The following GPR107 variants were observed in gnomAD, a reference collection of about 807,000 sequenced individuals.
The protein encoded by GPR107 is G protein-coupled receptor 107.
In GPR107, 31 loss-of-function variants were observed where a neutral mutation model predicts 75.5. That is an observed-to-expected ratio of 0.41 (90% CI 0.31 to 0.55). The LOEUF (loss-of-function observed/expected upper bound fraction) is 0.55, where lower values mean the gene tolerates loss of function less well. GPR107 is among the 20% of genes least tolerant of loss of function. The pLI is 0.26. For synonymous variants in GPR107, 267 were observed against 251.3 expected, an observed-to-expected ratio of 1.06 and a Z score of -0.59; for missense variants, 572 against 665.7, an observed-to-expected ratio of 0.86 and a Z score of 1.55.
At chr9:130,074,070 T>G (rs534747976) in intron 1 of GPR107, among the ~76,000 whole-genome samples, 30 of 152,346 alleles carry the variant, frequency 2.0e-4, no homozygotes, top group Middle Eastern at 3.4e-3. Flanking sequence ...TCCTGGGTTT[T>G]TAACAGATGT....
intron 1 of GPR107, among the ~76,000 whole-genome samples, chr9:130,074,951 A>G (rs1220963933): frequency 6.7e-6 from 1 of 149,706 alleles, no homozygotes. Context: ...TTGTACTATC[A>G]GGAAGGATGT....
chr9:130,065,788 A>AAAG (rs1564659117), intron 1 of GPR107, among the ~76,000 whole-genome samples: 1 of 128,196 alleles, frequency 7.8e-6, no homozygotes, highest in Non-Finnish European at 1.7e-5. Flanking sequence ...AAAAAAAAAA[A>AAAG]AGTGATGTTT....
intron 1 of GPR107, among the ~76,000 whole-genome samples, chr9:130,067,509 C>T (rs1452294066): frequency 6.6e-6 from 1 of 152,038 alleles, no homozygotes; most frequent in East Asian, 1.9e-4. Context: ...TGCCTAAAGC[C>T]CTCAGTGACT....
In GPR107 at chr9:130,103,899, C is replaced by A. The variant is rs1831097946; in HGVS notation, c.1132-521C>A. On this transcript the variant is annotated intron_variant, in intron 12 of 17. Coordinates refer to ENST00000347136, the MANE Select transcript of GPR107 (RefSeq NM_020960.5). This position sits in a 1 kb window ranked among gnomAD's most constrained non-coding sequence, Gnocchi z 4.3. The stretch of plus-strand genomic sequence containing the variant: ...TCTCAGTTTCTGTGGGTTAGGAATT[C>A]AAGAGTGGCTAGCTGGGTAGGTCTG... 6.6e-6 allele frequency among the ~76,000 whole-genome samples: 1 copy of A among 152,158 alleles called. No individual in the cohort carries two copies. Among genetic ancestry groups the A allele is most frequent in the African/African-American group, 2.4e-5 (1 of 41,438 alleles).
intron 17 of GPR107, among the ~76,000 whole-genome samples, chr9:130,131,846 G>C (rs1348126969): frequency 3.9e-5 from 6 of 152,070 alleles, no homozygotes; most frequent in African/African-American, 1.4e-4. Context: ...TGTGGTGGCT[G>C]ACCTCTTCAC....
intron 10 of GPR107, among the ~76,000 whole-genome samples, chr9:130,100,372 G>A (rs1431191849): frequency 6.6e-6 from 1 of 152,206 alleles, no homozygotes; most frequent in Non-Finnish European, 1.5e-5. Context: ...CTTGCCCAAG[G>A]GGGTAAGATC....
At chr9:130,128,891 A>C in intron 17 of GPR107, 130 bp downstream of exon 17, 1 of 814,728 alleles carries the variant, frequency 1.2e-6, no homozygotes, top group Non-Finnish European at 2.0e-6. Flanking sequence ...TTTTAGCAGA[A>C]GGAAGCGGAC....
chr9:130,056,465 A>G (rs1057305130), intron 1 of GPR107, among the ~76,000 whole-genome samples: 2 of 151,736 alleles, frequency 1.3e-5, no homozygotes, highest in African/African-American at 4.8e-5. Context: ...AAATAAATAA[A>G]TAAAATAAAA....
chr9:130,084,987 A>G (rs576781016), intron 6 of GPR107, among the ~76,000 whole-genome samples: 24 of 152,250 alleles, frequency 1.6e-4, no homozygotes, highest in African/African-American at 5.5e-4. Flanking sequence ...ATGATGACAA[A>G]TGCTGAGCAC....
chr9:130,109,550 G>C (rs1251497653), intron 14 of GPR107, among the ~76,000 whole-genome samples: 1 of 147,430 alleles, frequency 6.8e-6, no homozygotes, highest in Non-Finnish European at 1.5e-5. Flanking sequence ...GTAACTTGGT[G>C]AACAGGTAGT....
At chr9:130,118,135 C>T (rs1243175823) in intron 14 of GPR107, among the ~76,000 whole-genome samples, 2 of 152,186 alleles carry the variant, frequency 1.3e-5, no homozygotes, top group African/African-American at 2.4e-5. Context: ...TGGTCATTTA[C>T]TAAACTTCTC....
intron 9 of GPR107, among the ~76,000 whole-genome samples, chr9:130,093,815 CT>C (rs1029878099): frequency 2.5e-4 from 37 of 146,358 alleles, no homozygotes; most frequent in East Asian, 2.0e-3. Flanking sequence ...ACCCCCATTT[CT>C]TTTTTTTTTT....
intron 14 of GPR107, among the ~76,000 whole-genome samples, chr9:130,120,653 A>G (rs1170572168): frequency 6.6e-6 from 1 of 152,182 alleles, no homozygotes. Flanking sequence ...CTCTGCATCG[A>G]TGGACATCTC....
chr9:130,133,381 T>G (rs1831876954), intron 17 of GPR107: 1 of 152,274 alleles, frequency 6.6e-6, no homozygotes, highest in Admixed American at 6.5e-5. Flanking sequence ...TTGTCCTTTT[T>G]TAACAAGATG....
rs1480742025 is a variant in GPR107, at chr9:130,075,758, C to A, written c.255+9C>A. ...AAGACAAGGATGTGACTGTAAGTACCTTTTAATGAGATCCAGGGGTTTACT... is the reference window on the plus strand; with the variant it reads ...AAGACAAGGATGTGACTGTAAGTACATTTTAATGAGATCCAGGGGTTTACT... On this transcript the variant is annotated intron_variant, in intron 2 of 17. Coordinates refer to ENST00000347136, the MANE Select transcript of GPR107 (RefSeq NM_020960.5). 8.1e-7 allele frequency: 1 copy of A among 1,236,194 alleles called. No individual in the cohort carries two copies. Among genetic ancestry groups the A allele is most frequent in the Non-Finnish European group, 1.2e-6 (1 of 839,516 alleles). The allele number at this position is 1,236,194 out of a possible 1,614,324, so 76.6% of individuals were successfully genotyped here.
rs1183584623 is a variant in GPR107 at position 130,128,753 on chromosome 9, G to A, written c.1554G>A (p.Met518Ile). 1.2e-6 allele frequency: 2 copies of A among 1,613,734 alleles called. No individual in the cohort carries two copies. The highest frequency in any genetic ancestry group is 1.7e-6 in the Non-Finnish European group (2 of 1,179,608). Reference sequence around the variant, plus strand: ...CTCAGGAAGAAGAAGACTTGGAAATGGAGTCCGTGTAAGAAATCTTTCTTC... The same window carrying A: ...CTCAGGAAGAAGAAGACTTGGAAATAGAGTCCGTGTAAGAAATCTTTCTTC... ...QLSQEEEDLEMESVVTTSGVM... is the reference protein window; with the variant it reads ...QLSQEEEDLEIESVVTTSGVM... The change falls in exon 17 of 18, where the codon ATG (methionine) becomes ATA (isoleucine). Residue 518 changes from methionine (M) to isoleucine (I), a missense_variant. Coordinates refer to ENST00000347136, the MANE Select transcript of GPR107 (RefSeq NM_020960.5).
intron 14 of GPR107, among the ~76,000 whole-genome samples, chr9:130,118,362 C>T (rs898494415): frequency 6.6e-6 from 1 of 152,166 alleles, no homozygotes; most frequent in Non-Finnish European, 1.5e-5. Flanking sequence ...CTTAGTTCCT[C>T]TTTCACTCAG....
intron 1 of GPR107, among the ~76,000 whole-genome samples, chr9:130,070,300 CTATT>C (rs1318209752): frequency 6.6e-6 from 1 of 151,642 alleles, no homozygotes; most frequent in Non-Finnish European, 1.5e-5. Flanking sequence ...TTACTCCTGG[CTATT>C]TATTTATTAT....
At chr9:130,080,738 G>C (rs1270893002) in intron 5 of GPR107, among the ~76,000 whole-genome samples, 1 of 151,480 alleles carries the variant, frequency 6.6e-6, no homozygotes, top group Non-Finnish European at 1.5e-5. Context: ...TGATCCGCCC[G>C]CCTCGGCCTC....
Sources: gnomAD v4.1 joint callset for allele counts (sites outside exome capture counted in the v4.1 genomes callset) on GRCh38, gnomAD v4.1.1 for gene constraint, Gnocchi (gnomAD v3.1) non-coding constraint, MANE v1.5 for transcripts, NCBI Gene and HGNC (gene_info 2026-07-23, HGNC 2026-07-21) for gene names.